COG8: variants seen among roughly 807,000 people sequenced by gnomAD.
The protein encoded by COG8 is component of oligomeric golgi complex 8.
Under a neutral mutation model 46.5 loss-of-function variants are expected in COG8, and 45 were observed. That is an observed-to-expected ratio of 0.97 (90% CI 0.76 to 1.24). The LOEUF (loss-of-function observed/expected upper bound fraction) is 1.24. COG8 is among the 50% of genes most tolerant of loss of function. The pLI is 0.00. For synonymous variants in COG8, 407 were observed against 347.8 expected, an observed-to-expected ratio of 1.17 and a Z score of -1.90; for missense variants, 793 against 820.8, an observed-to-expected ratio of 0.97 and a Z score of 0.41.
Position 69,339,444 on chromosome 16 carries a change from C to T in COG8, c.109G>A (p.Glu37Lys), listed in dbSNP as rs763216085. The T allele has an allele frequency of 6.3e-7, 1 of 1,592,390 alleles. No individual in the cohort carries two copies. The highest frequency in any genetic ancestry group is 1.1e-5 in the South Asian group (1 of 89,622). Residue 37 changes from glutamate to lysine, a missense_variant, in exon 1 of 6, where the codon GAG (glutamate) becomes AAG (lysine). Coordinates refer to ENST00000306875, the MANE Select transcript of COG8 (RefSeq NM_032382.5). The stretch of plus-strand genomic sequence containing the variant: ...TCGGGCCGCTCGCGCCACTGGGCCT[C>T]GGGGAAGCGGTCCCGGAACAGCGAC... The part of the protein sequence containing the change: ...LASLFRDRFP[E>K]AQWRERPDVG...
intron 4 of COG8, among the ~76,000 whole-genome samples, chr16:69,331,306 G>A (rs552538846): frequency 6.6e-6 from 1 of 151,790 alleles, no homozygotes; most frequent in Non-Finnish European, 1.5e-5. Flanking sequence ...TACAACATTA[G>A]CCGGGCTTGG....
chr16:69,334,195 C>T (rs2143343090), intron 3 of COG8, among the ~76,000 whole-genome samples: 1 of 152,344 alleles, frequency 6.6e-6, no homozygotes, highest in Admixed American at 6.5e-5. Context: ...CCCGGTTGTG[C>T]TGTGCCTGGA....
intron 4 of COG8, 43 bp downstream of exon 4, chr16:69,332,671 T>C: frequency 6.6e-7 from 1 of 1,522,280 alleles, no homozygotes; most frequent in Non-Finnish European, 9.1e-7. Context: ...AGTATGTGAA[T>C]TACACATCAG....
chr16:69,330,759 G>C, intron 5 of COG8, 54 bp downstream of exon 5: 1 of 1,456,696 alleles, frequency 6.9e-7, no homozygotes, highest in Non-Finnish European at 9.0e-7. Flanking sequence ...AACCCGCCCC[G>C]GACCTTCCAG....
At position 69,336,701 on chromosome 16, in the gene COG8, T is replaced by G. The variant is rs1290146874; in HGVS notation, c.389A>C (p.Lys130Thr). 1 of 1,614,040 alleles carries G rather than the reference T, an allele frequency of 6.2e-7. No homozygotes were observed. The highest frequency in any genetic ancestry group is 1.7e-5 in the Admixed American group (1 of 60,026). The change falls in exon 2 of 6, where the codon AAG becomes ACG. Residue 130 changes from lysine (K) to threonine (T), a missense_variant. Transcript: ENST00000306875. ...GTTGGAGCTGATCTCCTCGGCTTCC[T>G]TCACAAAGTTCCTAGTAATAATCAG... Reference protein sequence around the residue: ...SFQQSCRNFVKEAEEISSNRR... With the variant: ...SFQQSCRNFVTEAEEISSNRR...
chr16:69,329,336 C>A (rs185591591), intron 5 of COG8, among the ~76,000 whole-genome samples, 157 bp from the exon 6 acceptor site: 1 of 152,226 alleles, frequency 6.6e-6, no homozygotes, highest in East Asian at 1.9e-4. Context: ...TGGAAAACGT[C>A]CCTCATCTCG....
At chr16:69,332,343 C>T (rs535361932) in intron 4 of COG8, among the ~76,000 whole-genome samples, 5 of 150,810 alleles carry the variant, frequency 3.3e-5, no homozygotes, top group African/African-American at 9.8e-5. Flanking sequence ...AGCGAGACTC[C>T]GCCTCAAAAA....
At chr16:69,330,791 C>T (rs1302345397) in intron 5 of COG8, 22 bp downstream of exon 5, 5 of 1,508,350 alleles carry the variant, frequency 3.3e-6, no homozygotes, top group Non-Finnish European at 4.4e-6. Context: ...CCTGGCCACC[C>T]CGCGCCGGGA....
chr16:69,332,641 CA>C (rs2011952306), intron 4 of COG8, 72 bp downstream of exon 4: 1 of 1,372,962 alleles, frequency 7.3e-7, no homozygotes, highest in South Asian at 1.2e-5. Flanking sequence ...CACTGACTTA[CA>C]CAAATGGATG....
At position 69,327,706 on chromosome 16, in the gene COG8, A is replaced by G. The variant is rs973762075; in HGVS notation, c.*1500T>C. ...CAAAACTCAGCATAAAAATGAGGTG[A>G]AACAGTTTAACTAAAACTGGAGTTT... On this transcript the variant is annotated 3_prime_UTR_variant, in exon 6 of 6. Transcript: ENST00000306875. 1.3e-5 allele frequency: 2 copies of G among 152,166 alleles called. No homozygotes were observed. Among genetic ancestry groups the G allele is most frequent in the African/African-American group, 2.4e-5 (1 of 41,422 alleles). The allele number at this position is 152,166 out of a possible 1,614,324, so 9.4% of individuals were successfully genotyped here.
Position 69,339,311 on chromosome 16 carries a change from T to G in COG8, c.242A>C (p.Asp81Ala). 1 of 1,611,104 alleles carries G rather than the reference T, an allele frequency of 6.2e-7. No individual in the cohort carries two copies. Among genetic ancestry groups the G allele is most frequent in the East Asian group, 2.2e-5 (1 of 44,818 alleles). ...ERAQLLQQTR[D>A]LAFANYKTFI... ...GGTCTTGTAGTTAGCGAAGGCCAAG[T>G]CGCGCGTCTGCTGCAGCAGCTGCGC... Residue 81 changes from aspartate (D) to alanine (A), a missense_variant, in exon 1 of 6, where the codon GAC (aspartate) becomes GCC (alanine). Physicochemically the swap from Asp to Ala is moderately radical, Grantham distance 126 (BLOSUM62 -2). Transcript: ENST00000306875.
intron 3 of COG8, 93 bp from the exon 4 acceptor site, chr16:69,332,975 A>C: frequency 8.6e-7 from 1 of 1,166,282 alleles, no homozygotes; most frequent in African/African-American, 1.5e-5. Flanking sequence ...ATGCCCCTCC[A>C]GTTTTCCTGA....
Position 69,330,942 on chromosome 16 carries a change from G to A in COG8, c.1736C>T (p.Pro579Leu), listed in dbSNP as rs1171516952. Residue 579 changes from proline (P) to leucine (L), a missense_variant, in exon 5 of 6, where the codon CCA becomes CTA. Transcript: ENST00000306875. ...ALGPELTAPA[P>L]EPPAEEPRLE... ...GCGTGGCTCCTCGGCGGGAGGCTCT[G>A]GTGCTGGAGCTGTGAGCTCGGGCCC... is the stretch of plus-strand genomic sequence containing the variant. The A allele has an allele frequency of 6.4e-7, 1 of 1,563,712 alleles. No homozygotes were observed. Among genetic ancestry groups the A allele is most frequent in the East Asian group, 2.4e-5 (1 of 42,062 alleles).
At chr16:69,330,517 C>A (rs1439599723) in intron 5 of COG8, 3 of 1,473,758 alleles carry the variant, frequency 2.0e-6, no homozygotes, top group East Asian at 5.8e-5. Context: ...CCCCGCCCCA[C>A]GGCACGGCCG....
Position 69,334,548 on chromosome 16 carries a change from A to C in COG8, c.1386T>G (p.Thr462=). Residue 462 remains threonine, a synonymous_variant, in exon 3 of 6, where the codon ACT becomes ACG. Transcript: ENST00000306875. ...TGGCAAGGGCATCTTCCAAGGCCCC[A>C]GTCACATCCTGCGCCAGGGCCACAG... ...CCPVALAQDV[T]GALEDALAKV... is the part of the protein sequence containing the mutation. 1 of 1,614,208 alleles carries C rather than the reference A, an allele frequency of 6.2e-7. No homozygotes were observed. Among genetic ancestry groups the C allele is most frequent in the Non-Finnish European group, 8.5e-7 (1 of 1,180,034 alleles).
At chr16:69,330,106 G>A (rs1002918508) in intron 5 of COG8, 14 of 1,583,574 alleles carry the variant, frequency 8.8e-6, no homozygotes, top group African/African-American at 1.4e-5. Context: ...GCAGGCTGGG[G>A]TTCACGAACA....
chr16:69,330,238 T>C (rs915173183), intron 5 of COG8: 15 of 1,447,602 alleles, frequency 1.0e-5, no homozygotes, highest in Non-Finnish European at 1.3e-5. Flanking sequence ...GCGGCGCGCT[T>C]AGGCCCACGC....
chr16:69,331,470 AAAAAAAAG>A (rs2011833753), intron 4 of COG8, among the ~76,000 whole-genome samples: 1 of 147,772 alleles, frequency 6.8e-6, no homozygotes, highest in South Asian at 2.1e-4. Flanking sequence ...AAAAAAAAAA[AAAAAAAAG>A]GAAATTTAAG....
At position 69,327,501 on chromosome 16, in the gene COG8, G is replaced by A. The variant is rs1965634509; in HGVS notation, c.*1705C>T. On this transcript the variant is annotated 3_prime_UTR_variant, in exon 6 of 6. Coordinates refer to ENST00000306875, the MANE Select transcript of COG8 (RefSeq NM_032382.5). Reference sequence around the variant, plus strand: ...TTTTCAAAGTCTGGCTGCACCTAGAGCCAGTTTGCTTCTGCTTGGCCTCAT... The same window carrying A: ...TTTTCAAAGTCTGGCTGCACCTAGAACCAGTTTGCTTCTGCTTGGCCTCAT... 1 of 151,864 alleles carries A rather than the reference G, an allele frequency of 6.6e-6. No individual in the cohort carries two copies. The highest frequency in any genetic ancestry group is 1.5e-5 in the Non-Finnish European group (1 of 68,002). 9.4% of individuals were successfully genotyped at this position (151,864 alleles called of 1,614,324 possible). A position where few individuals can be genotyped will look rare whatever the true frequency, so the allele number is the denominator to read the frequency against.
Sources: gnomAD v4.1 joint callset for allele counts (sites outside exome capture counted in the v4.1 genomes callset) on GRCh38, gnomAD v4.1.1 for gene constraint, MANE v1.5 for transcripts, NCBI Gene and HGNC (gene_info 2026-07-23, HGNC 2026-07-21) for gene names.